FAAH2: variants seen among roughly 807,000 people sequenced by gnomAD.
The protein encoded by FAAH2 is fatty-acid amide hydrolase 2.
In FAAH2, 60 loss-of-function variants were observed where a neutral mutation model predicts 36.9. That is an observed-to-expected ratio of 1.63 (90% CI 1.32 to 2.02). FAAH2 has a LOEUF of 2.02. Among genes scored for constraint, FAAH2 ranks in the 30% most tolerant of loss-of-function variants. The pLI, the probability that FAAH2 is intolerant of heterozygous loss-of-function variation, is 0.00. For synonymous variants in FAAH2, 214 were observed against 143.8 expected (o/e 1.49, Z -3.49); for missense variants, 689 against 397.5 (o/e 1.73, Z -6.23).
At chrX:57,146,612 G>A in the FAAH2 span, among the ~76,000 whole-genome samples, 1 of 111,899 alleles carries the variant, frequency 8.9e-6, no homozygotes, top group Non-Finnish European at 1.9e-5. Flanking sequence ...TTGAACAGAA[G>A]TGGTGAGAGT....
At chrX:57,349,744 C>T (rs952795099) in intron 5 of FAAH2, among the ~76,000 whole-genome samples, 3 of 107,921 alleles carry the variant, frequency 2.8e-5, no homozygotes, top group African/African-American at 1.0e-4. Context: ...AAAACCAAGG[C>T]CTCCAAGATC....
At chrX:57,233,715 C>T in the FAAH2 span, among the ~76,000 whole-genome samples, 1 of 112,846 alleles carries the variant, frequency 8.9e-6, no homozygotes, top group African/African-American at 3.2e-5. Flanking sequence ...TCTGGGCTCA[C>T]TGCAACCTCC....
At chrX:57,300,198 T>C (rs1442046245) in intron 2 of FAAH2, among the ~76,000 whole-genome samples, 2 of 111,528 alleles carry the variant, frequency 1.8e-5, no homozygotes, top group African/African-American at 6.5e-5. Context: ...GCTACCTGAC[T>C]TCAAACTATA....
intron 7 of FAAH2, among the ~76,000 whole-genome samples, chrX:57,412,728 G>A (rs939512744): frequency 2.1e-4 from 23 of 111,324 alleles, no homozygotes; most frequent in African/African-American, 7.2e-4. Context: ...TAATCCTTTG[G>A]GTATATACCC....
chrX:57,374,117 G>A (rs1368761704), intron 5 of FAAH2, among the ~76,000 whole-genome samples: 1 of 111,628 alleles, frequency 9.0e-6, no homozygotes, highest in Non-Finnish European at 1.9e-5. Context: ...GGTGACTATG[G>A]CCTTATAGTA....
At chrX:57,253,952 G>C in the FAAH2 span, among the ~76,000 whole-genome samples, 1 of 111,230 alleles carries the variant, frequency 9.0e-6, no homozygotes, top group African/African-American at 3.3e-5. Context: ...ATAGGCTAAA[G>C]GTCCCAATTA....
the FAAH2 span, among the ~76,000 whole-genome samples, chrX:57,142,690 G>A: frequency 9.0e-6 from 1 of 111,589 alleles, no homozygotes; most frequent in African/African-American, 3.3e-5. Context: ...TCTTTACCAT[G>A]TTGAAAGTGG....
the FAAH2 span, among the ~76,000 whole-genome samples, chrX:57,176,079 C>T: frequency 9.0e-6 from 1 of 111,407 alleles, no homozygotes; most frequent in African/African-American, 3.3e-5. Flanking sequence ...AATTAATCTC[C>T]CATGAGTTTT....
chrX:57,300,824 A>T (rs2146840822), intron 2 of FAAH2, among the ~76,000 whole-genome samples: 1 of 112,484 alleles, frequency 8.9e-6, no homozygotes, highest in African/African-American at 3.2e-5. Context: ...ACTTCTCAAA[A>T]GAAGACATTT....
At chrX:57,356,130 A>G (rs1045650471) in intron 5 of FAAH2, among the ~76,000 whole-genome samples, 1 of 110,642 alleles carries the variant, frequency 9.0e-6, no homozygotes, top group Non-Finnish European at 1.9e-5. Flanking sequence ...TACATTTTAC[A>G]TGGCCACTCT....
At chrX:57,471,563 C>T (rs1434119876) in intron 10 of FAAH2, among the ~76,000 whole-genome samples, 2 of 111,559 alleles carry the variant, frequency 1.8e-5, no homozygotes, top group African/African-American at 6.5e-5. Context: ...TCAAGGAGAA[C>T]TACAAACCAC....
At chrX:57,469,368 G>A (rs1320372661) in intron 10 of FAAH2, among the ~76,000 whole-genome samples, 1 of 111,383 alleles carries the variant, frequency 9.0e-6, no homozygotes, top group African/African-American at 3.3e-5. Flanking sequence ...CACATGCAGA[G>A]ACACACATTG....
At chrX:57,208,134 A>C in the FAAH2 span, among the ~76,000 whole-genome samples, 1 of 112,554 alleles carries the variant, frequency 8.9e-6, no homozygotes, top group Admixed American at 9.4e-5. Flanking sequence ...CTATTCAAAC[A>C]GTCACTGGGG....
chrX:57,318,520 G>A (rs895243036), intron 3 of FAAH2, among the ~76,000 whole-genome samples: 18 of 111,653 alleles, frequency 1.6e-4, no homozygotes, highest in African/African-American at 5.9e-4. Flanking sequence ...TGAAATTGAG[G>A]CAGTAATTAA....
the FAAH2 span, among the ~76,000 whole-genome samples, chrX:57,252,384 AGT>A: frequency 8.9e-6 from 1 of 112,514 alleles, no homozygotes; most frequent in Non-Finnish European, 1.9e-5. Context: ...TGAAGAGAGC[AGT>A]GATTCTCCCA....
At chrX:57,202,062 G>T in the FAAH2 span, among the ~76,000 whole-genome samples, 31 of 89,099 alleles carry the variant, frequency 3.5e-4, 1 homozygote, top group African/African-American at 1.9e-3. Flanking sequence ...TGAATTTTTT[G>T]AGTTTCCTCA....
intron 3 of FAAH2, among the ~76,000 whole-genome samples, chrX:57,327,805 G>A (rs1052075619): frequency 3.2e-4 from 36 of 111,445 alleles, no homozygotes; most frequent in African/African-American, 6.5e-4. Flanking sequence ...TTAGCTTGCC[G>A]TAGTTTGATA....
At chrX:57,383,337 A>G (rs2054911473) in intron 7 of FAAH2, among the ~76,000 whole-genome samples, 1 of 111,971 alleles carries the variant, frequency 8.9e-6, no homozygotes, top group African/African-American at 3.2e-5. Flanking sequence ...GAAATCAGGC[A>G]GCAGAAGGAA....
chrX:57,215,043 A>G, the FAAH2 span, among the ~76,000 whole-genome samples: 1 of 108,803 alleles, frequency 9.2e-6, no homozygotes, highest in Non-Finnish European at 1.9e-5. Flanking sequence ...TGTGAGAAAA[A>G]TTTTGCAATC....
Sources: gnomAD v4.1 joint callset for allele counts (sites outside exome capture counted in the v4.1 genomes callset) on GRCh38, gnomAD v4.1.1 for gene constraint, MANE v1.5 for transcripts, NCBI Gene and HGNC (gene_info 2026-07-23, HGNC 2026-07-21) for gene names.